The following SCG5 variants were observed in gnomAD, a reference collection of about 807,000 sequenced individuals.
SCG5 encodes secretogranin V, also known as neuroendocrine protein 7B2.
SCG5 carries 18 observed loss-of-function variants against 25.7 expected under a neutral mutation model. The ratio of observed to expected loss-of-function variants is 0.70; its 90% CI spans 0.48 to 1.04. SCG5 has a LOEUF of 1.04. Ranked by LOEUF, SCG5 falls within the 50% of genes least tolerant of loss-of-function variation. The pLI is 0.00. For synonymous variants in SCG5, 101 were observed against 91.7 expected (o/e 1.10, Z -0.58); for missense variants, 206 against 259.8 (o/e 0.79, Z 1.42).
intron 2 of SCG5, among the ~76,000 whole-genome samples, chr15:32,670,130 A>G (rs2054394704): frequency 6.6e-6 from 1 of 152,218 alleles, no homozygotes; most frequent in African/African-American, 2.4e-5. Context: ...AGATCCTAGT[A>G]TGAGGGGGAA....
At chr15:32,693,990 A>T (rs990993590) in intron 5 of SCG5, among the ~76,000 whole-genome samples, 1 of 152,124 alleles carries the variant, frequency 6.6e-6, no homozygotes, top group African/African-American at 2.4e-5. Context: ...TGCTCCTGTT[A>T]TCTCAGGTAC....
At chr15:32,689,919 G>T (rs1007737858) in intron 4 of SCG5, among the ~76,000 whole-genome samples, 1 of 149,192 alleles carries the variant, frequency 6.7e-6, no homozygotes, top group Non-Finnish European at 1.5e-5. Context: ...TCAGCTCACT[G>T]CAAGCTCTGC....
chr15:32,658,082 G>A (rs1455503792), intron 2 of SCG5, among the ~76,000 whole-genome samples: 3 of 152,168 alleles, frequency 2.0e-5, no homozygotes, highest in Non-Finnish European at 4.4e-5. Flanking sequence ...TAGGAGTAAC[G>A]AAGTGTTTTC....
rs77029001 is a variant in SCG5 at position 32,669,483 on chromosome 15, C to T, written c.227-10283C>T. On this transcript the variant is annotated intron_variant, in intron 2 of 5. Coordinates refer to ENST00000300175, the MANE Select transcript of SCG5 (RefSeq NM_001144757.3). ...TACCTCAACTTAAGCTCCACTCTGA[C>T]CCTCAGCTAAGCCATATAATTTCAG... Among the ~76,000 whole-genome samples the T allele has an allele frequency of 4.2e-3, 638 of 152,238 alleles. 14 individuals are homozygous for T. The East Asian group carries it at 0.057, about 14-fold the overall frequency.
intron 2 of SCG5, chr15:32,656,084 C>T (rs1421420472): frequency 1.3e-5 from 2 of 152,204 alleles, no homozygotes; most frequent in East Asian, 3.8e-4. Flanking sequence ...AAATCCCAAC[C>T]TTTCCATTGA....
chr15:32,647,606 T>C (rs2053964306), intron 2 of SCG5, among the ~76,000 whole-genome samples: 1 of 152,178 alleles, frequency 6.6e-6, no homozygotes, highest in Non-Finnish European at 1.5e-5. Flanking sequence ...TTTCACAGCC[T>C]TTCCTCACAT....
chr15:32,649,847 T>C (rs905602338), intron 2 of SCG5, among the ~76,000 whole-genome samples: 8 of 152,242 alleles, frequency 5.3e-5, no homozygotes, highest in Non-Finnish European at 1.2e-4. Flanking sequence ...GCCGTACTAT[T>C]TTCTAGCTAT....
At chr15:32,692,350 C>T (rs1174875250) in intron 5 of SCG5, 2 of 908,948 alleles carry the variant, frequency 2.2e-6, no homozygotes, top group Non-Finnish European at 1.3e-6. Flanking sequence ...TAGTTTTTAA[C>T]CATCCCAGGG....
chr15:32,658,274 C>G (rs2054159070), intron 2 of SCG5, among the ~76,000 whole-genome samples: 1 of 151,874 alleles, frequency 6.6e-6, no homozygotes, highest in Admixed American at 6.6e-5. Flanking sequence ...AAATGCATAG[C>G]TGCAACCTAC....
intron 2 of SCG5, among the ~76,000 whole-genome samples, chr15:32,666,998 A>G (rs1001382659): frequency 5.3e-5 from 8 of 152,234 alleles, no homozygotes; most frequent in Non-Finnish European, 7.3e-5. Context: ...AGTATAAACT[A>G]CACACCCTAT....
At chr15:32,642,461 G>T (rs535300144) in intron 1 of SCG5, among the ~76,000 whole-genome samples, 1 of 151,110 alleles carries the variant, frequency 6.6e-6, no homozygotes, top group Non-Finnish European at 1.5e-5. Context: ...CCAGCTACTC[G>T]GGAGGCTGAG....
chr15:32,666,139 A>G (rs1158043451), intron 2 of SCG5, among the ~76,000 whole-genome samples: 2 of 152,204 alleles, frequency 1.3e-5, no homozygotes, highest in Non-Finnish European at 2.9e-5. Context: ...CTTCTTATCA[A>G]CACAAGGGAG....
At chr15:32,674,040 C>T (rs141246408) in intron 2 of SCG5, among the ~76,000 whole-genome samples, 69 of 152,238 alleles carry the variant, frequency 4.5e-4, no homozygotes, top group African/African-American at 1.5e-3. Flanking sequence ...GTTTTATATC[C>T]GAATGCCCTT....
chr15:32,679,907 G>GA lies in SCG5; in HGVS notation c.373dup (p.Thr125AsnfsTer4). 3.1e-6 allele frequency: 5 copies of GA among 1,608,560 alleles called. No individual in the cohort carries two copies. The highest frequency in any genetic ancestry group is 4.2e-6 in the Non-Finnish European group (5 of 1,177,972). ...GACCCTCCAAATCCCTGTCCTGTTG[G>GA]AAAAACAGGTAACAGATATGCCTTT... On this transcript the variant is annotated frameshift_variant, in exon 3 of 6. Transcript: ENST00000300175. LOFTEE classifies it high-confidence loss of function.
At chr15:32,654,603 A>G (rs2054083997) in intron 2 of SCG5, among the ~76,000 whole-genome samples, 1 of 152,132 alleles carries the variant, frequency 6.6e-6, no homozygotes, top group Non-Finnish European at 1.5e-5. Context: ...ATCCTTAAGG[A>G]TGATCCTCAC....
chr15:32,656,483 G>A (rs1443365025), intron 2 of SCG5, among the ~76,000 whole-genome samples: 5 of 152,208 alleles, frequency 3.3e-5, no homozygotes, highest in South Asian at 2.1e-4. Context: ...GGTTAAAAAC[G>A]TTTATCATTG....
At position 32,657,944 on chromosome 15, in the gene SCG5, A is replaced by T. The variant is rs559586691; in HGVS notation, c.226+14126A>T. 2.0e-5 allele frequency among the ~76,000 whole-genome samples: 3 copies of T among 152,304 alleles called. No individual in the cohort carries two copies. The South Asian group carries it at 6.2e-4, about 32-fold the overall frequency. The stretch of plus-strand genomic sequence containing the variant: ...GACCAGAGGAATTGAGCGTGTTTAC[A>T]GAAAATCAGGAATGGAACAGAATTA... On this transcript the variant is annotated intron_variant, in intron 2 of 5. Coordinates refer to ENST00000300175, the MANE Select transcript of SCG5 (RefSeq NM_001144757.3).
intron 2 of SCG5, among the ~76,000 whole-genome samples, chr15:32,676,307 A>T (rs1456182992): frequency 4.6e-5 from 7 of 152,202 alleles, no homozygotes; most frequent in Non-Finnish European, 1.0e-4. Flanking sequence ...ATTCATTTTA[A>T]TGGCACTGGT....
chr15:32,642,568 C>CAAAAAA (rs11338067), intron 1 of SCG5, among the ~76,000 whole-genome samples: 4 of 49,730 alleles, frequency 8.0e-5, no homozygotes, highest in Admixed American at 6.2e-4. Context: ...AACTCCGTCT[C>CAAAAAA]AAAAAAAAAA....
Sources: gnomAD v4.1 joint callset for allele counts (sites outside exome capture counted in the v4.1 genomes callset) on GRCh38, gnomAD v4.1.1 for gene constraint, MANE v1.5 for transcripts, NCBI Gene and HGNC (gene_info 2026-07-23, HGNC 2026-07-21) for gene names.